PRRC2C: variants seen among roughly 807,000 people sequenced by gnomAD.
PRRC2C encodes protein PRRC2C.
PRRC2C carries 72 observed loss-of-function variants against 317.2 expected under a neutral mutation model. The observed-to-expected ratio is 0.23, with a 90% CI of 0.19 to 0.28. The LOEUF (loss-of-function observed/expected upper bound fraction) is 0.28. PRRC2C is among the 10% of genes least tolerant of loss of function. PRRC2C has a pLI of 1.00. For synonymous variants in PRRC2C, 1,296 were observed against 1,205.9 expected, an observed-to-expected ratio of 1.07 and a Z score of -1.55; for missense variants, 3,074 against 3,459.7, an observed-to-expected ratio of 0.89 and a Z score of 2.80.
At chr1:171,521,693 G>A (rs10913167) in intron 6 of PRRC2C, among the ~76,000 whole-genome samples, 23,504 of 152,110 alleles carry the variant, frequency 0.15, 1,887 homozygotes, top group Middle Eastern at 0.29. Context: ...ATCTGCCTCT[G>A]ATTATTCTAC....
intron 28 of PRRC2C, among the ~76,000 whole-genome samples, chr1:171,581,460 A>G (rs997462399): frequency 2.0e-5 from 3 of 152,198 alleles, no homozygotes; most frequent in Admixed American, 6.5e-5. Context: ...TGTAATCCCC[A>G]TTTCACTAAT....
chr1:171,545,428 C>T, intron 16 of PRRC2C, 51 bp from the exon 17 acceptor site: 1 of 1,473,296 alleles, frequency 6.8e-7, no homozygotes, highest in Non-Finnish European at 9.2e-7. Context: ...GAGCATTTTT[C>T]TTTTGTTTGG....
chr1:171,537,760 C>T lies in PRRC2C; in HGVS notation c.2504+287C>T, dbSNP rs146087267. ...TTGCTCTGTTATTCAGGCTGGAGTG[C>T]GTTGGTATGATCTTGGCTCACTGCA... On this transcript the variant is annotated intron_variant, in intron 15 of 34. Transcript: ENST00000647382. Among the ~76,000 whole-genome samples the T allele has an allele frequency of 6.5e-3, 987 of 152,154 alleles. 10 individuals carry two copies. The highest frequency in any genetic ancestry group is 0.018 in the African/African-American group (753 of 41,500).
rs1675934309 is a variant in PRRC2C at position 171,531,751 on chromosome 1, T to C, written c.1255-592T>C. 2.6e-5 allele frequency among the ~76,000 whole-genome samples: 4 copies of C among 152,360 alleles called. No individual in the cohort carries two copies. In the South Asian group the frequency reaches 8.3e-4, roughly 32 times the overall value. On this transcript the variant is annotated intron_variant, in intron 11 of 34. Coordinates refer to ENST00000647382, the MANE Select transcript of PRRC2C (RefSeq NM_001387844.1). ...TCCTCCGATTCTCCACTCCGGGTTCTAGATACGCTTTTCTGGATCTTTCAG... is the reference window on the plus strand; with the variant it reads ...TCCTCCGATTCTCCACTCCGGGTTCCAGATACGCTTTTCTGGATCTTTCAG...
intron 33 of PRRC2C, among the ~76,000 whole-genome samples, chr1:171,588,829 A>T (rs1379781562): frequency 6.6e-6 from 1 of 152,126 alleles, no homozygotes; most frequent in Non-Finnish European, 1.5e-5. Flanking sequence ...TTCTAGGTTT[A>T]AAGTTGTTTT....
rs534106399 is a variant in PRRC2C, at chr1:171,545,148, T to G, written c.4764-331T>G. Among the ~76,000 whole-genome samples the G allele has an allele frequency of 6.2e-4, 94 of 152,224 alleles. 1 individual carries two copies. The highest frequency in any genetic ancestry group is 1.1e-3 in the Non-Finnish European group (75 of 68,032). ...CCATTTGTGAATACTTTGAACTTGC[T>G]TGGATCACAGAAATTTTCTGCTATA... On this transcript the variant is annotated intron_variant, in intron 16 of 34. Transcript: ENST00000647382.
intron 17 of PRRC2C, among the ~76,000 whole-genome samples, chr1:171,548,559 C>A (rs1679596023): frequency 6.6e-6 from 1 of 152,018 alleles, no homozygotes; most frequent in Middle Eastern, 3.2e-3. Context: ...TAAATAATTT[C>A]TTTAAATTGC....
At position 171,500,466 on chromosome 1, in the gene PRRC2C, A is replaced by G. The variant is rs186773636; in HGVS notation, c.-57-11566A>G. ...CAGGCTTGAGTGGACTGGTGCAATC[A>G]TAGCTCACTGCAGCCCTGAACTTCT... On this transcript the variant is annotated intron_variant, in intron 1 of 34. Transcript: ENST00000647382. Among the ~76,000 whole-genome samples, 392 of 152,210 alleles carry G rather than the reference A, an allele frequency of 2.6e-3. 3 individuals carry two copies. The highest frequency in any genetic ancestry group is 0.017 in the Middle Eastern group (5 of 294).
Position 171,522,207 on chromosome 1 carries a change from C to G in PRRC2C, c.781C>G (p.Pro261Ala), listed in dbSNP as rs752392717. 4 of 1,594,366 alleles carry G rather than the reference C, an allele frequency of 2.5e-6. No individual in the cohort carries two copies. Among genetic ancestry groups the G allele is most frequent in the Non-Finnish European group, 3.4e-6 (4 of 1,165,552 alleles). ...CCAACAGTATCCGAGGATGACATATCCTCCTCTACATGGTCCCATGAGATT... is the reference window on the plus strand; with the variant it reads ...CCAACAGTATCCGAGGATGACATATGCTCCTCTACATGGTCCCATGAGATT... ...MFQQYPRMTYPPLHGPMRFPP... is the reference protein window; with the variant it reads ...MFQQYPRMTYAPLHGPMRFPP... The change falls in exon 7 of 35, where the codon CCT (proline) becomes GCT (alanine). Residue 261 changes from proline (P) to alanine (A), a missense_variant. Pro to Ala is a conservative substitution (Grantham distance 27). This residue lies in a region of PRRC2C where 237 missense variants were observed against 199.5 expected (regional missense o/e 1.19). Transcript: ENST00000647382.
chr1:171,572,404 T>A (rs1394927969), intron 24 of PRRC2C, among the ~76,000 whole-genome samples: 6 of 152,244 alleles, frequency 3.9e-5, no homozygotes, highest in Non-Finnish European at 7.3e-5. Flanking sequence ...GTTGACAATC[T>A]CTTTGATGAT....
At chr1:171,549,692 TCTGGGACTACAGGTATATACCACCAC>T (rs1419124713) in intron 17 of PRRC2C, among the ~76,000 whole-genome samples, 14 of 152,038 alleles carry the variant, frequency 9.2e-5, no homozygotes, top group Non-Finnish European at 2.1e-4. Flanking sequence ...CTCCTGAGTA[TCTGGGACTACAGGTATATACCACCAC>T]ACACATCTAA....
chr1:171,505,113 C>T (rs926719989), intron 1 of PRRC2C, among the ~76,000 whole-genome samples: 8 of 151,872 alleles, frequency 5.3e-5, no homozygotes, highest in East Asian at 3.9e-4. Flanking sequence ...TGGCAAACTC[C>T]GCCTCCTGGG....
chr1:171,512,945 A>G, intron 2 of PRRC2C, 50 bp from the exon 3 acceptor site: 5 of 1,484,302 alleles, frequency 3.4e-6, no homozygotes, highest in Non-Finnish European at 4.5e-6. Context: ...GAGGAATAAA[A>G]TGGGTAATAA....
intron 5 of PRRC2C, 127 bp downstream of exon 5, chr1:171,515,986 A>T (rs1672278376): frequency 2.0e-6 from 2 of 999,288 alleles, no homozygotes; most frequent in East Asian, 5.5e-5. Context: ...TACTATAGTC[A>T]CTTGCTACTC....
At chr1:171,575,990 A>C (rs1685636662) in intron 25 of PRRC2C, among the ~76,000 whole-genome samples, 1 of 152,206 alleles carries the variant, frequency 6.6e-6, no homozygotes, top group African/African-American at 2.4e-5. Flanking sequence ...TCTTAGGTTT[A>C]TACAAGTTAT....
At chr1:171,513,736 T>TA (rs550268627) in intron 3 of PRRC2C, among the ~76,000 whole-genome samples, 10 of 151,936 alleles carry the variant, frequency 6.6e-5, no homozygotes, top group Admixed American at 1.3e-4. Context: ...AGTGGTAATT[T>TA]AAAAAAAATA....
chr1:171,557,398 T>C lies in PRRC2C; in HGVS notation c.5286T>C (p.Ala1762=). The part of the protein sequence containing the change: ...ASAPLPPSTS[A]SVPASTSAPL... ...CTCCACTTCCACCTTCAACCTCAGCTTCAGTTCCAGCCTCAACCTCAGCTC... is the reference window on the plus strand; with the variant it reads ...CTCCACTTCCACCTTCAACCTCAGCCTCAGTTCCAGCCTCAACCTCAGCTC... Residue 1762 remains alanine (A), a synonymous_variant, in exon 19 of 35, where the codon GCT becomes GCC. Transcript: ENST00000647382. 6.5e-7 allele frequency: 1 copy of C among 1,550,262 alleles called. No homozygotes were observed. The highest frequency in any genetic ancestry group is 8.7e-7 in the Non-Finnish European group (1 of 1,145,830).
In PRRC2C at chr1:171,536,274, T is replaced by C. The variant is rs763154488; in HGVS notation, c.2289T>C (p.His763=). 2.4e-5 allele frequency: 38 copies of C among 1,613,276 alleles called. No individual in the cohort carries two copies. The highest frequency in any genetic ancestry group is 2.9e-5 in the Non-Finnish European group (34 of 1,179,640). Residue 763 remains histidine, a synonymous_variant, in exon 14 of 35, where the codon CAT becomes CAC. Coordinates refer to ENST00000647382, the MANE Select transcript of PRRC2C (RefSeq NM_001387844.1). ...CTGCTATGGATATTCCACCCATTCA[T>C]CCTGGTCAGTTGAATTTGCATTTAT... is the stretch of plus-strand genomic sequence containing the variant. ...GRPAMDIPPI[H]PGMIPPKPLM...
intron 11 of PRRC2C, among the ~76,000 whole-genome samples, chr1:171,529,003 C>G (rs1408889393): frequency 6.6e-6 from 1 of 152,030 alleles, no homozygotes; most frequent in African/African-American, 2.4e-5. Flanking sequence ...CACCTTCATG[C>G]CCAGGCTGGT....
Sources: gnomAD v4.1 joint callset for allele counts (sites outside exome capture counted in the v4.1 genomes callset) on GRCh38, gnomAD v4.1.1 for gene constraint, gnomAD v4.1.1 regional missense constraint, MANE v1.5 for transcripts, NCBI Gene and HGNC (gene_info 2026-07-23, HGNC 2026-07-21) for gene names.